Variants in STX18 observed in about 807,000 individuals in gnomAD.
STX18 encodes the protein syntaxin 18.
In STX18, 40 loss-of-function variants were observed where a neutral mutation model predicts 50.1. That is an observed-to-expected ratio of 0.80 (90% CI 0.62 to 1.04). The LOEUF is 1.04. Ranked by LOEUF, STX18 falls within the 50% of genes least tolerant of loss-of-function variation. The probability of loss-of-function intolerance (pLI) is 0.00; values close to 1 mark genes in which losing one functional copy is unlikely to be tolerated. For synonymous variants in STX18, 158 were observed against 151.8 expected, an observed-to-expected ratio of 1.04 and a Z score of -0.30; for missense variants, 410 against 415.8, an observed-to-expected ratio of 0.99 and a Z score of 0.12.
chr4:4,438,601 T>G, intron 5 of STX18, 92 bp from the exon 6 acceptor site: 1 of 1,032,276 alleles, frequency 9.7e-7, no homozygotes, highest in East Asian at 2.4e-5. Context: ...CCTGCGCTTT[T>G]GCTCTGTGTC....
In STX18 at chr4:4,435,302, A is replaced by ATG. The variant is rs1491585884; in HGVS notation, c.614-445_614-444insCA. On this transcript the variant is annotated intron_variant, in intron 6 of 10. Transcript: ENST00000306200. ...TATATACATACATATATATATATAT[A>ATG]CAGGAAGTGATATACTGTTCTCCAA... 2.0e-5 allele frequency among the ~76,000 whole-genome samples: 3 copies of ATG among 152,304 alleles called. No homozygotes were observed. In the East Asian group the frequency reaches 5.8e-4, roughly 29 times the overall value.
At chr4:4,530,902 C>T (rs553512833) in intron 1 of STX18, among the ~76,000 whole-genome samples, 1 of 152,224 alleles carries the variant, frequency 6.6e-6, no homozygotes, top group East Asian at 1.9e-4. Context: ...CCACCATACC[C>T]GGTCAAACTT....
chr4:4,524,012 C>A (rs1046293641), intron 1 of STX18, among the ~76,000 whole-genome samples: 3 of 152,188 alleles, frequency 2.0e-5, no homozygotes, highest in African/African-American at 7.2e-5. Flanking sequence ...CTTATTAGAA[C>A]ATGCTTTAGT....
Position 4,421,589 on chromosome 4 carries a change from C to G in STX18, c.832-645G>C, listed in dbSNP as rs192287584. 9.9e-4 allele frequency among the ~76,000 whole-genome samples: 151 copies of G among 152,254 alleles called. 2 individuals carry two copies. Among genetic ancestry groups the G allele is most frequent in the African/African-American group, 3.4e-3 (142 of 41,550 alleles). On this transcript the variant is annotated intron_variant, in intron 9 of 10. Transcript: ENST00000306200. ...TCTTGTTGCAGTGCTCCTTCCGCCA[C>G]ACTTACCATCCCTCCTGCGCCACTC... is the stretch of plus-strand genomic sequence containing the variant.
chr4:4,481,472 T>A (rs73796021), intron 1 of STX18: 8,605 of 152,288 alleles, frequency 0.057, 359 homozygotes, highest in African/African-American at 0.12. Flanking sequence ...AATCATTATT[T>A]TTTTTTCATT....
intron 5 of STX18, among the ~76,000 whole-genome samples, chr4:4,446,100 T>C (rs1044475323): frequency 7.9e-5 from 12 of 152,136 alleles, no homozygotes; most frequent in Admixed American, 2.0e-4. Flanking sequence ...TAAACAAACA[T>C]TGATATAATA....
At chr4:4,425,316 GA>G in intron 7 of STX18, 94 bp from the exon 8 acceptor site, 1 of 1,157,870 alleles carries the variant, frequency 8.6e-7, no homozygotes, top group Non-Finnish European at 1.3e-6. Flanking sequence ...AATCACTGCC[GA>G]AGCCCCCATT....
chr4:4,482,093 G>A (rs1372105783), intron 1 of STX18, among the ~76,000 whole-genome samples: 2 of 152,052 alleles, frequency 1.3e-5, no homozygotes, highest in East Asian at 3.9e-4. Flanking sequence ...GAACACCACT[G>A]TCTCTAGGTT....
At chr4:4,508,098 T>A (rs1729812836) in intron 1 of STX18, among the ~76,000 whole-genome samples, 1 of 152,218 alleles carries the variant, frequency 6.6e-6, no homozygotes, top group African/African-American at 2.4e-5. Flanking sequence ...CACTATTAAA[T>A]AAAATGGATC....
At chr4:4,539,160 GA>G (rs1454336375) in intron 1 of STX18, among the ~76,000 whole-genome samples, 3 of 152,126 alleles carry the variant, frequency 2.0e-5, no homozygotes, top group Non-Finnish European at 4.4e-5. Flanking sequence ...GCATATATTT[GA>G]GGAATGGAAT....
intron 1 of STX18, among the ~76,000 whole-genome samples, chr4:4,506,287 C>T (rs975072643): frequency 6.6e-6 from 1 of 152,192 alleles, no homozygotes; most frequent in Non-Finnish European, 1.5e-5. Flanking sequence ...AAACTAGATA[C>T]AACACAAATG....
Position 4,512,810 on chromosome 4 carries a change from T to C in STX18, c.168+28987A>G, listed in dbSNP as rs187523437. 4.1e-4 allele frequency among the ~76,000 whole-genome samples: 62 copies of C among 152,290 alleles called. 1 individual carries two copies. Among genetic ancestry groups the C allele is most frequent in the African/African-American group, 9.4e-4 (39 of 41,566 alleles). Reference sequence around the variant, plus strand: ...AACCCACAGATGAAAACTGGGAATATTGTTACTAAATATTGCTCAAAGTTA... The same window carrying C: ...AACCCACAGATGAAAACTGGGAATACTGTTACTAAATATTGCTCAAAGTTA... On this transcript the variant is annotated intron_variant, in intron 1 of 10. Coordinates refer to ENST00000306200, the MANE Select transcript of STX18 (RefSeq NM_016930.4).
At chr4:4,447,715 A>G (rs1161152358) in intron 5 of STX18, among the ~76,000 whole-genome samples, 1 of 151,708 alleles carries the variant, frequency 6.6e-6, no homozygotes, top group African/African-American at 2.4e-5. Flanking sequence ...TCACATAGTA[A>G]GAGCTCAAAA....
intron 1 of STX18, among the ~76,000 whole-genome samples, chr4:4,490,285 T>A (rs934648486): frequency 1.3e-5 from 2 of 152,158 alleles, no homozygotes; most frequent in Non-Finnish European, 2.9e-5. Flanking sequence ...AGGGCCCATA[T>A]GTAACAATAG....
chr4:4,499,514 A>T, intron 1 of STX18: 1 of 985,458 alleles, frequency 1.0e-6, no homozygotes, highest in Non-Finnish European at 1.2e-6. Flanking sequence ...TACTGCAAAG[A>T]AACAGCAAAA....
At chr4:4,518,881 T>C (rs372641179) in intron 1 of STX18, among the ~76,000 whole-genome samples, 2 of 152,282 alleles carry the variant, frequency 1.3e-5, no homozygotes, top group South Asian at 2.1e-4. Flanking sequence ...AAACTGACTA[T>C]AAGAAACAAA....
rs1577322346 is a variant in STX18, at chr4:4,438,616, T to C, written c.498-107A>G. ...CCTGCGCTTTTGCTCTGTGTCCCTG[T>C]ACTGGGGAGCAGTCACTGCCTCTGG... is the stretch of plus-strand genomic sequence containing the variant. On this transcript the variant is annotated intron_variant, in intron 5 of 10. Coordinates refer to ENST00000306200, the MANE Select transcript of STX18 (RefSeq NM_016930.4). 5 of 850,360 alleles carry C rather than the reference T, an allele frequency of 5.9e-6. No homozygotes were observed. The East Asian group carries it at 1.3e-4, about 22-fold the overall frequency. 52.7% of individuals were successfully genotyped at this position (850,360 alleles called of 1,614,324 possible). A position where few individuals can be genotyped will look rare whatever the true frequency, so the allele number is the denominator to read the frequency against.
At chr4:4,537,623 T>A (rs935604490) in intron 1 of STX18, among the ~76,000 whole-genome samples, 4 of 152,214 alleles carry the variant, frequency 2.6e-5, no homozygotes, top group African/African-American at 9.6e-5. Flanking sequence ...ATTCCCACTT[T>A]GTTCAGGTTA....
chr4:4,463,294 C>G (rs1727474522), intron 2 of STX18, among the ~76,000 whole-genome samples: 1 of 152,166 alleles, frequency 6.6e-6, no homozygotes, highest in East Asian at 1.9e-4. Context: ...GGCTGTGTGC[C>G]AATAAAACTT....
Sources: gnomAD v4.1 joint callset for allele counts (sites outside exome capture counted in the v4.1 genomes callset) on GRCh38, gnomAD v4.1.1 for gene constraint, MANE v1.5 for transcripts, NCBI Gene and HGNC (gene_info 2026-07-23, HGNC 2026-07-21) for gene names.